The following METAP2 variants were observed in gnomAD, a reference collection of about 807,000 sequenced individuals.
METAP2 encodes methionine aminopeptidase 2.
A neutral mutation model predicts 59.4 loss-of-function variants in METAP2; 25 were observed. The ratio of observed to expected loss-of-function variants is 0.42; its 90% CI spans 0.31 to 0.59. METAP2 has a LOEUF of 0.59. Among genes scored for constraint, METAP2 ranks in the 20% least tolerant of loss-of-function variants. The pLI is 0.16. For synonymous variants in METAP2, 214 were observed against 194.1 expected, an observed-to-expected ratio of 1.10 and a Z score of -0.85; for missense variants, 366 against 581.2, an observed-to-expected ratio of 0.63 and a Z score of 3.81.
At chr12:95,500,403 T>G (rs189453952) in intron 7 of METAP2, among the ~76,000 whole-genome samples, 1 of 152,214 alleles carries the variant, frequency 6.6e-6, no homozygotes, top group Non-Finnish European at 1.5e-5. Context: ...TTTTCTTGCC[T>G]GATTGTTCTG....
chr12:95,511,920 A>C lies in METAP2; in HGVS notation c.990A>C (p.Gly330=). 1 of 1,611,064 alleles carries C rather than the reference A, an allele frequency of 6.2e-7. No individual in the cohort carries two copies. Among genetic ancestry groups the C allele is most frequent in the Non-Finnish European group, 8.5e-7 (1 of 1,178,512 alleles). Residue 330 remains glycine, a synonymous_variant, in exon 9 of 11, where the codon GGA becomes GGC. Transcript: ENST00000323666. The part of the protein sequence containing the change: ...YQVKPIRNLN[G]HSIGQYRIHA... ...TGAAACCAATCCGTAATCTAAATGG[A>C]CATTCAATTGGGCAATATAGAATAC...
At chr12:95,494,029 T>G (rs763632330) in intron 4 of METAP2, 27 bp from the exon 5 acceptor site, 4 of 1,602,282 alleles carry the variant, frequency 2.5e-6, no homozygotes, top group Non-Finnish European at 3.4e-6. Flanking sequence ...GTTTTATCAC[T>G]AATAGTATTC....
chr12:95,494,712 T>G (rs541964557), intron 5 of METAP2, among the ~76,000 whole-genome samples: 1 of 152,274 alleles, frequency 6.6e-6, no homozygotes, highest in East Asian at 1.9e-4. Context: ...TCTAGTAAAT[T>G]TAGTTAAAAG....
At chr12:95,513,131 A>G (rs1209006726) in intron 10 of METAP2, among the ~76,000 whole-genome samples, 1 of 148,590 alleles carries the variant, frequency 6.7e-6, no homozygotes, top group Non-Finnish European at 1.5e-5. Context: ...ACACACACAC[A>G]CAAGTGCTCT....
chr12:95,489,610 TTGAA>T (rs1419643122), intron 4 of METAP2, among the ~76,000 whole-genome samples: 2 of 152,220 alleles, frequency 1.3e-5, no homozygotes, highest in African/African-American at 4.8e-5. Context: ...TTATTAGAAA[TTGAA>T]TGAATTATCA....
chr12:95,486,077 T>C, intron 4 of METAP2, 96 bp downstream of exon 4: 3 of 827,952 alleles, frequency 3.6e-6, no homozygotes, highest in Non-Finnish European at 5.7e-6. Flanking sequence ...CTCCACTACT[T>C]TAATAAATGC....
intron 6 of METAP2, 49 bp from the exon 7 acceptor site, chr12:95,495,955 A>G (rs779846526): frequency 8.8e-7 from 1 of 1,132,166 alleles, no homozygotes; most frequent in Non-Finnish European, 1.3e-6. Flanking sequence ...TAAAGTAGAT[A>G]AATTGACTAG....
Position 95,494,050 on chromosome 12 carries a change from C to A in METAP2, c.429-6C>A, listed in dbSNP as rs950626889. 1.9e-6 allele frequency: 3 copies of A among 1,613,192 alleles called. No homozygotes were observed. Among genetic ancestry groups the A allele is most frequent in the Non-Finnish European group, 1.7e-6 (2 of 1,179,480 alleles). ...TCACTAATAGTATTCTATGCCCACT[C>A]TAAAGGCGAACAGCTGCTTGGAGAA... On this transcript the variant is annotated splice_region_variant and splice_polypyrimidine_tract_variant and intron_variant, in intron 4 of 10. Coordinates refer to ENST00000323666, the MANE Select transcript of METAP2 (RefSeq NM_006838.4).
In METAP2 at chr12:95,515,288, A is replaced by G. The variant is rs1216888529; in HGVS notation, c.*1384A>G. ...TAAATGAATGTTACCTTGTCGGGAA[A>G]CAATCTAGGTTTTAGCTGTATGAGC... On this transcript the variant is annotated 3_prime_UTR_variant, in exon 11 of 11. Coordinates refer to ENST00000323666, the MANE Select transcript of METAP2 (RefSeq NM_006838.4). 1 of 152,578 alleles carries G rather than the reference A, an allele frequency of 6.6e-6. No individual in the cohort carries two copies. Among genetic ancestry groups the G allele is most frequent in the Non-Finnish European group, 1.5e-5 (1 of 68,046 alleles). The allele number at this position is 152,578 out of a possible 1,614,324, so 9.5% of individuals were successfully genotyped here. A position where few individuals can be genotyped will look rare whatever the true frequency, so the allele number is the denominator to read the frequency against.
intron 2 of METAP2, among the ~76,000 whole-genome samples, chr12:95,478,042 G>A (rs890532774): frequency 6.6e-6 from 1 of 152,100 alleles, no homozygotes; most frequent in South Asian, 2.1e-4. Flanking sequence ...TATTGGCTGG[G>A]TGTGGTGGCT....
chr12:95,484,040 T>C (rs2076178318), intron 3 of METAP2, among the ~76,000 whole-genome samples: 1 of 152,118 alleles, frequency 6.6e-6, no homozygotes, highest in Non-Finnish European at 1.5e-5. Flanking sequence ...TTAAGGAGGC[T>C]GAAGGGAGAT....
chr12:95,482,270 C>A (rs111800988), intron 2 of METAP2: 30,598 of 389,378 alleles, frequency 0.079, 1,614 homozygotes, highest in African/African-American at 0.17. Flanking sequence ...TACCACCACA[C>A]CTGGATAATT....
chr12:95,486,617 C>A (rs548235192), intron 4 of METAP2, among the ~76,000 whole-genome samples: 2 of 152,060 alleles, frequency 1.3e-5, no homozygotes, highest in East Asian at 3.9e-4. Context: ...CCTGCTCCAG[C>A]CTCCCGAGTA....
At chr12:95,477,779 G>A (rs1436326935) in intron 2 of METAP2, among the ~76,000 whole-genome samples, 2 of 152,146 alleles carry the variant, frequency 1.3e-5, no homozygotes, top group Non-Finnish European at 2.9e-5. Context: ...CTTTAGAGTG[G>A]TATGTTCTCT....
chr12:95,483,821 G>C (rs753482394), intron 3 of METAP2, among the ~76,000 whole-genome samples: 1 of 152,132 alleles, frequency 6.6e-6, no homozygotes, highest in Non-Finnish European at 1.5e-5. Context: ...GGTAAGCGTT[G>C]TTTGTAATTT....
intron 3 of METAP2, among the ~76,000 whole-genome samples, chr12:95,485,282 A>AT (rs1488825974): frequency 1.3e-5 from 2 of 152,082 alleles, no homozygotes; most frequent in African/African-American, 2.4e-5. Flanking sequence ...CAAATTGTGT[A>AT]TTTTTTCTCT....
chr12:95,494,022 T>C lies in METAP2; in HGVS notation c.429-34T>C, dbSNP rs759279776. ...CAGCTTTTATGCTTGTTCTGCTGTT[T>C]TATCACTAATAGTATTCTATGCCCA... On this transcript the variant is annotated intron_variant, in intron 4 of 10. Coordinates refer to ENST00000323666, the MANE Select transcript of METAP2 (RefSeq NM_006838.4). 24 of 1,587,758 alleles carry C rather than the reference T, an allele frequency of 1.5e-5. No homozygotes were observed. The African/African-American group carries it at 3.0e-4, about 20-fold the overall frequency.
intron 7 of METAP2, among the ~76,000 whole-genome samples, chr12:95,497,657 T>C: frequency 6.6e-6 from 1 of 152,204 alleles, no homozygotes; most frequent in East Asian, 1.9e-4. Context: ...TCTCTACTAC[T>C]TTCCACAGTG....
At chr12:95,476,541 A>AG (rs2076121221) in intron 2 of METAP2, among the ~76,000 whole-genome samples, 2 of 148,950 alleles carry the variant, frequency 1.3e-5, no homozygotes. Flanking sequence ...AAAGAAAGAA[A>AG]AGCTAGAAAA....
Sources: gnomAD v4.1 joint callset for allele counts (sites outside exome capture counted in the v4.1 genomes callset) on GRCh38, gnomAD v4.1.1 for gene constraint, MANE v1.5 for transcripts, NCBI Gene and HGNC (gene_info 2026-07-23, HGNC 2026-07-21) for gene names.